The following WWOX variants were observed in gnomAD, a reference collection of about 807,000 sequenced individuals.
The protein encoded by WWOX is WW domain-containing oxidoreductase.
In WWOX, 69 loss-of-function variants were observed where a neutral mutation model predicts 46.2. The observed-to-expected ratio is 1.49, with a 90% CI of 1.23 to 1.82. WWOX has a LOEUF of 1.82. Among genes scored for constraint, WWOX ranks in the 40% most tolerant of loss-of-function variants. The pLI is 0.00. For missense variants in WWOX, 919 were observed against 542.6 expected (o/e 1.69, Z -6.89); for synonymous variants, 359 against 202.6 (o/e 1.77, Z -6.56).
chr16:78,248,864 C>CTTT (rs869134108), intron 5 of WWOX, among the ~76,000 whole-genome samples: 30 of 117,392 alleles, frequency 2.6e-4, no homozygotes, highest in South Asian at 3.1e-4. Flanking sequence ...GCCCCCCGGC[C>CTTT]TTTTTTTTTT....
intron 8 of WWOX, among the ~76,000 whole-genome samples, chr16:79,151,801 A>G (rs1194563416): frequency 6.6e-6 from 1 of 152,220 alleles, no homozygotes; most frequent in African/African-American, 2.4e-5. Context: ...TAATGGCAAG[A>G]AAATCCATGG....
At chr16:79,113,531 G>A (rs1479652165) in intron 8 of WWOX, among the ~76,000 whole-genome samples, 1 of 152,206 alleles carries the variant, frequency 6.6e-6, no homozygotes, top group Non-Finnish European at 1.5e-5. Context: ...AAATTAAATG[G>A]AATGTCCTAT....
intron 8 of WWOX, among the ~76,000 whole-genome samples, chr16:79,039,760 C>G (rs1022496730): frequency 8.5e-5 from 13 of 152,304 alleles, no homozygotes; most frequent in African/African-American, 2.4e-4. Flanking sequence ...GTGGCTCTGA[C>G]TTCAGTTTTC....
At chr16:78,738,332 A>G (rs2049136758) in intron 8 of WWOX, among the ~76,000 whole-genome samples, 1 of 152,128 alleles carries the variant, frequency 6.6e-6, no homozygotes, top group Admixed American at 6.5e-5. Context: ...TTGTTTTTTC[A>G]GTATGGTAAT....
chr16:78,268,588 A>C (rs572444570), intron 5 of WWOX, among the ~76,000 whole-genome samples: 2 of 152,308 alleles, frequency 1.3e-5, no homozygotes, highest in African/African-American at 4.8e-5. Context: ...GGTGGATTCT[A>C]AAGCTGTTTA....
At chr16:78,570,797 C>G (rs1306049211) in intron 8 of WWOX, among the ~76,000 whole-genome samples, 4 of 152,036 alleles carry the variant, frequency 2.6e-5, no homozygotes, top group East Asian at 3.9e-4. Context: ...CAGAAACAAA[C>G]AAACATGGCA....
intron 8 of WWOX, among the ~76,000 whole-genome samples, chr16:78,545,402 G>T (rs924890482): frequency 1.3e-5 from 2 of 152,110 alleles, no homozygotes; most frequent in Non-Finnish European, 2.9e-5. Flanking sequence ...TCTTTTTAAA[G>T]AGATGGGATT....
intron 8 of WWOX, among the ~76,000 whole-genome samples, chr16:79,031,056 G>A (rs1484200587): frequency 1.4e-5 from 2 of 146,860 alleles, no homozygotes; most frequent in African/African-American, 5.1e-5. Context: ...TCGAGTCACT[G>A]CACTCCAGCC....
At chr16:78,693,173 A>G (rs1044956647) in intron 8 of WWOX, among the ~76,000 whole-genome samples, 12 of 152,318 alleles carry the variant, frequency 7.9e-5, no homozygotes, top group Admixed American at 2.0e-4. Context: ...TTATTTGCCC[A>G]TCTCTTGTTC....
At chr16:79,112,653 G>A (rs770885008) in intron 8 of WWOX, among the ~76,000 whole-genome samples, 3 of 152,154 alleles carry the variant, frequency 2.0e-5, no homozygotes, top group Non-Finnish European at 4.4e-5. Context: ...GAAAGCACTC[G>A]CATGAATGTT....
chr16:78,236,622 A>G (rs144610304), intron 5 of WWOX, among the ~76,000 whole-genome samples: 27 of 152,284 alleles, frequency 1.8e-4, no homozygotes, highest in East Asian at 5.8e-4. Flanking sequence ...GTGTTAGTGC[A>G]TATTCTTGGC....
At chr16:78,920,632 G>C (rs991172000) in intron 8 of WWOX, among the ~76,000 whole-genome samples, 6 of 152,192 alleles carry the variant, frequency 3.9e-5, no homozygotes, top group African/African-American at 7.2e-5. Flanking sequence ...ATCCAGGTCA[G>C]GTACCTGACC....
rs143549484 is a variant in WWOX at position 79,052,648 on chromosome 16, A to G, written c.1057-158960A>G. On this transcript the variant is annotated intron_variant, in intron 8 of 8. Transcript: ENST00000566780. Reference sequence around the variant, plus strand: ...AGAATGTGAGGTCCCTTTCCAGCCAATGGAAACCGGACACAGCAGTAGAGT... The same window carrying G: ...AGAATGTGAGGTCCCTTTCCAGCCAGTGGAAACCGGACACAGCAGTAGAGT... Among the ~76,000 whole-genome samples the G allele has an allele frequency of 1.7e-3, 264 of 152,292 alleles. 1 individual carries two copies. Among genetic ancestry groups the G allele is most frequent in the Admixed American group, 8.0e-3 (123 of 15,296 alleles).
At position 78,605,980 on chromosome 16, in the gene WWOX, C is replaced by CT. The variant is rs1484515964; in HGVS notation, c.1056+173229dup. Among the ~76,000 whole-genome samples the CT allele has an allele frequency of 2.6e-5, 4 of 152,210 alleles. No individual in the cohort carries two copies. The East Asian group carries it at 7.7e-4, about 29-fold the overall frequency. ...ATCTGAATTGAATGGGCAGCTTTGGCTGGAGTAGTACTGCAGCTTCTCGAA... is the reference window on the plus strand; with the variant it reads ...ATCTGAATTGAATGGGCAGCTTTGGCTTGGAGTAGTACTGCAGCTTCTCGAA... On this transcript the variant is annotated intron_variant, in intron 8 of 8. Coordinates refer to ENST00000566780, the MANE Select transcript of WWOX (RefSeq NM_016373.4).
At chr16:79,103,191 C>T (rs1376407370) in intron 8 of WWOX, among the ~76,000 whole-genome samples, 1 of 152,222 alleles carries the variant, frequency 6.6e-6, no homozygotes, top group African/African-American at 2.4e-5. Flanking sequence ...AGCCATTAGC[C>T]AAGGCCTTGA....
At chr16:79,007,057 C>T (rs776539355) in intron 8 of WWOX, among the ~76,000 whole-genome samples, 8 of 152,086 alleles carry the variant, frequency 5.3e-5, no homozygotes, top group Non-Finnish European at 1.2e-4. Flanking sequence ...CATTATCCAG[C>T]CTTCCACAGG....
At chr16:78,634,725 G>T (rs1488498061) in intron 8 of WWOX, among the ~76,000 whole-genome samples, 1 of 136,942 alleles carries the variant, frequency 7.3e-6, no homozygotes, top group East Asian at 2.1e-4. Context: ...AAAAAAAAAA[G>T]TTCTAAATCA....
intron 8 of WWOX, among the ~76,000 whole-genome samples, chr16:78,476,817 G>C (rs1254011213): frequency 6.6e-6 from 1 of 152,044 alleles, no homozygotes; most frequent in Non-Finnish European, 1.5e-5. Context: ...AGATAGGAAA[G>C]ACTAATTTAG....
intron 8 of WWOX, among the ~76,000 whole-genome samples, chr16:78,851,566 T>A (rs1309424737): frequency 6.6e-6 from 1 of 152,226 alleles, no homozygotes; most frequent in African/African-American, 2.4e-5. Context: ...TTTTCCATCT[T>A]TCCCACTAGA....
Sources: allele counts gnomAD v4.1 joint callset (sites outside exome capture counted in the v4.1 genomes callset), GRCh38; gene constraint gnomAD v4.1.1; transcripts MANE v1.5; gene names NCBI Gene and HGNC (gene_info 2026-07-23, HGNC 2026-07-21).